The following LRRC7 variants were observed in gnomAD, a reference collection of about 807,000 sequenced individuals.
The protein encoded by LRRC7 is leucine rich repeat containing 7.
LRRC7 carries 23 observed loss-of-function variants against 175.7 expected under a neutral mutation model. The ratio of observed to expected loss-of-function variants is 0.13; its 90% CI spans 0.09 to 0.19. The LOEUF (loss-of-function observed/expected upper bound fraction) is 0.19, where lower values mean the gene tolerates loss of function less well. Ranked by LOEUF, LRRC7 falls within the 10% of genes least tolerant of loss-of-function variation. The pLI is 1.00. For synonymous variants in LRRC7, 685 were observed against 680.9 expected (o/e 1.01, Z -0.09); for missense variants, 1,354 against 1,904.7 (o/e 0.71, Z 5.38).
At chr1:69,622,960 C>T (rs978894202) in intron 1 of LRRC7, among the ~76,000 whole-genome samples, 7 of 152,142 alleles carry the variant, frequency 4.6e-5, no homozygotes, top group African/African-American at 1.7e-4. Flanking sequence ...GTCTGAGTAG[C>T]TCCTACTTCC....
At chr1:69,614,496 C>G (rs1003102198) in intron 1 of LRRC7, among the ~76,000 whole-genome samples, 3 of 151,950 alleles carry the variant, frequency 2.0e-5, no homozygotes, top group Non-Finnish European at 4.4e-5. Context: ...TCATTTTTAC[C>G]TATTAGTACT....
intron 7 of LRRC7, among the ~76,000 whole-genome samples, chr1:69,868,258 G>T (rs1013293478): frequency 1.2e-4 from 18 of 152,008 alleles, no homozygotes; most frequent in Non-Finnish European, 2.2e-4. Context: ...AATAAAATGG[G>T]CCTTAAAAAG....
intron 2 of LRRC7, among the ~76,000 whole-genome samples, chr1:69,714,370 C>A (rs1011239177): frequency 6.6e-6 from 1 of 152,198 alleles, no homozygotes; most frequent in East Asian, 1.9e-4. Context: ...AAAGATAAAT[C>A]ATGGAGGAAA....
At chr1:69,779,142 G>A (rs1390665884) in intron 3 of LRRC7, among the ~76,000 whole-genome samples, 1 of 151,792 alleles carries the variant, frequency 6.6e-6, no homozygotes, top group Non-Finnish European at 1.5e-5. Context: ...ACCCTCTATA[G>A]ACAAAGCCAG....
At chr1:69,851,929 G>A (rs1321826958) in intron 7 of LRRC7, among the ~76,000 whole-genome samples, 1 of 152,172 alleles carries the variant, frequency 6.6e-6, no homozygotes, top group Non-Finnish European at 1.5e-5. Flanking sequence ...AACATAGGTT[G>A]TTTATGGGAT....
At chr1:69,762,722 G>A (rs1400832603) in intron 3 of LRRC7, among the ~76,000 whole-genome samples, 1 of 152,046 alleles carries the variant, frequency 6.6e-6, no homozygotes, top group Non-Finnish European at 1.5e-5. Context: ...AGGATCCTAA[G>A]TAGGCTTGGA....
chr1:69,855,660 A>C (rs532085051), intron 7 of LRRC7, among the ~76,000 whole-genome samples: 1 of 152,012 alleles, frequency 6.6e-6, no homozygotes, highest in South Asian at 2.1e-4. Flanking sequence ...TGCGGAGCTG[A>C]GTTCAATTCC....
chr1:69,717,843 A>AGAGG, intron 2 of LRRC7, among the ~76,000 whole-genome samples: 1 of 41,768 alleles, frequency 2.4e-5, no homozygotes. Flanking sequence ...AGAAAGAAAA[A>AGAGG]AGAAAGAAAG....
In LRRC7 at chr1:69,884,784, C is replaced by A. The variant is rs574695521; in HGVS notation, c.647+46501C>A. On this transcript the variant is annotated intron_variant, in intron 7 of 26. Transcript: ENST00000651989. ...AGGTAGCTCTTATTATTTTGAAATA[C>A]GTCCCATCAATACCTAATTTATTGA... Among the ~76,000 whole-genome samples, 198 of 146,780 alleles carry A rather than the reference C, an allele frequency of 1.3e-3. 1 individual carries two copies. The highest frequency in any genetic ancestry group is 4.4e-3 in the African/African-American group (169 of 38,168).
chr1:69,890,132 G>A (rs1486925590), intron 7 of LRRC7, among the ~76,000 whole-genome samples: 1 of 152,136 alleles, frequency 6.6e-6, no homozygotes, highest in Non-Finnish European at 1.5e-5. Context: ...ATCTAGAATG[G>A]TGAATCCTCT....
rs1310343558 is a variant in LRRC7 at position 70,134,905 on chromosome 1, CA to C, written c.*13019del. ...CAGGTGTCCACCATTGTTTTGGATACAGCTTTTGAGTTTTTGATTTGCCTGA... is the reference window on the plus strand; with the variant it reads ...CAGGTGTCCACCATTGTTTTGGATACGCTTTTGAGTTTTTGATTTGCCTGA... On this transcript the variant is annotated 3_prime_UTR_variant, in exon 27 of 27. Coordinates refer to ENST00000651989, the MANE Select transcript of LRRC7 (RefSeq NM_001370785.2). 2.0e-5 allele frequency among the ~76,000 whole-genome samples: 3 copies of C among 152,112 alleles called. No individual in the cohort carries two copies. Among genetic ancestry groups the C allele is most frequent in the Non-Finnish European group, 4.4e-5 (3 of 68,016 alleles).
intron 1 of LRRC7, among the ~76,000 whole-genome samples, chr1:69,640,265 A>C (rs1007505411): frequency 6.6e-6 from 1 of 151,746 alleles, no homozygotes; most frequent in Non-Finnish European, 1.5e-5. Context: ...GAATGTTATA[A>C]TGGTAGAAAT....
At chr1:69,893,469 T>C (rs1346663932) in intron 7 of LRRC7, among the ~76,000 whole-genome samples, 1 of 152,234 alleles carries the variant, frequency 6.6e-6, no homozygotes, top group African/African-American at 2.4e-5. Flanking sequence ...GTATGGATAA[T>C]ACACTAATTT....
At chr1:69,930,087 T>C (rs373547190) in intron 7 of LRRC7, among the ~76,000 whole-genome samples, 51 of 152,330 alleles carry the variant, frequency 3.3e-4, no homozygotes, top group African/African-American at 1.2e-3. Flanking sequence ...ATCTACCTCC[T>C]CTGCTTAACT....
At chr1:69,631,875 T>C (rs1041590965) in intron 1 of LRRC7, among the ~76,000 whole-genome samples, 4 of 152,098 alleles carry the variant, frequency 2.6e-5, no homozygotes, top group Admixed American at 2.0e-4. Context: ...CTTGCCAGAG[T>C]ATACATCTTA....
At chr1:69,633,101 A>G (rs1652766733) in intron 1 of LRRC7, among the ~76,000 whole-genome samples, 1 of 152,002 alleles carries the variant, frequency 6.6e-6, no homozygotes, top group Non-Finnish European at 1.5e-5. Context: ...ATTACTTCAT[A>G]AAGTTTCCAT....
At chr1:69,571,210 G>C (rs549173540) in intron 1 of LRRC7, among the ~76,000 whole-genome samples, 37 of 152,292 alleles carry the variant, frequency 2.4e-4, no homozygotes, top group African/African-American at 8.4e-4. Context: ...TACATCACTT[G>C]TGTCTGCACA....
intron 17 of LRRC7, among the ~76,000 whole-genome samples, chr1:70,027,108 C>T (rs1387855647): frequency 6.6e-6 from 1 of 151,990 alleles, no homozygotes; most frequent in African/African-American, 2.4e-5. Flanking sequence ...CATACCCTCC[C>T]ACCCCCACAC....
intron 2 of LRRC7, among the ~76,000 whole-genome samples, chr1:69,705,737 A>C (rs1000444933): frequency 5.3e-5 from 8 of 152,054 alleles, no homozygotes; most frequent in Admixed American, 5.2e-4. Flanking sequence ...GGCTTGAGAA[A>C]AACTCAGTTA....
Sources: allele counts gnomAD v4.1 joint callset (sites outside exome capture counted in the v4.1 genomes callset), GRCh38; gene constraint gnomAD v4.1.1; transcripts MANE v1.5; gene names NCBI Gene and HGNC (gene_info 2026-07-23, HGNC 2026-07-21).